GLT1D1: variants seen among roughly 807,000 people sequenced by gnomAD.
The protein encoded by GLT1D1 is glycosyltransferase 1 domain containing 1.
Under a neutral mutation model 28.7 loss-of-function variants are expected in GLT1D1, and 21 were observed. The ratio of observed to expected loss-of-function variants is 0.73; its 90% CI spans 0.52 to 1.05. GLT1D1 has a LOEUF of 1.05. GLT1D1 is among the 50% of genes least tolerant of loss of function. The pLI, the probability that GLT1D1 is intolerant of heterozygous loss-of-function variation, is 0.00. For synonymous variants in GLT1D1, 147 were observed against 124.8 expected (o/e 1.18, Z -1.19); for missense variants, 343 against 330.6 (o/e 1.04, Z -0.29).
At chr12:128,973,902 AGGGGGTGTGTGTAGG>A (rs1879487498) in intron 7 of GLT1D1, among the ~76,000 whole-genome samples, 1 of 68,402 alleles carries the variant, frequency 1.5e-5, no homozygotes, top group Admixed American at 1.9e-4. Context: ...GTGTGTGTGT[AGGGGGTGTGTGTAGG>A]GGGTGTGTGT....
chr12:128,900,230 A>AC (rs1209761476), intron 4 of GLT1D1, among the ~76,000 whole-genome samples: 1 of 152,238 alleles, frequency 6.6e-6, no homozygotes, highest in Admixed American at 6.5e-5. Flanking sequence ...AGCCTGCTCC[A>AC]CCAGCGTTCA....
chr12:128,977,143 C>T (rs140910168), intron 7 of GLT1D1, among the ~76,000 whole-genome samples: 1,782 of 152,278 alleles, frequency 0.012, 34 homozygotes, highest in African/African-American at 0.041. Flanking sequence ...GAGACTCCAT[C>T]TCAAAAGCAA....
chr12:128,923,381 GCCA>G (rs1234869680), intron 4 of GLT1D1, among the ~76,000 whole-genome samples: 4 of 151,958 alleles, frequency 2.6e-5, no homozygotes, highest in Non-Finnish European at 5.9e-5. Context: ...GCTGTAATAA[GCCA>G]CCGCAGGATG....
Position 128,866,819 on chromosome 12 carries a change from C to A in GLT1D1, c.69-9095C>A, listed in dbSNP as rs1001000014. On this transcript the variant is annotated intron_variant, in intron 1 of 7. Transcript: ENST00000281703. Reference sequence around the variant, plus strand: ...TATTTTTAGTAGAGACAGGGTTTCACCTTGTTGGCCAGGCTGGTCTTGAAC... The same window carrying A: ...TATTTTTAGTAGAGACAGGGTTTCAACTTGTTGGCCAGGCTGGTCTTGAAC... Among the ~76,000 whole-genome samples the A allele has an allele frequency of 5.3e-5, 8 of 152,014 alleles. No individual in the cohort carries two copies. The East Asian group carries it at 1.6e-3, about 30-fold the overall frequency.
At chr12:128,935,144 T>G (rs1874408750) in intron 4 of GLT1D1, among the ~76,000 whole-genome samples, 1 of 152,236 alleles carries the variant, frequency 6.6e-6, no homozygotes, top group African/African-American at 2.4e-5. Flanking sequence ...ACTTTTGCAC[T>G]GGCCATTTCT....
chr12:128,897,428 T>C (rs1342709411), intron 3 of GLT1D1, among the ~76,000 whole-genome samples: 1 of 152,178 alleles, frequency 6.6e-6, no homozygotes, highest in Non-Finnish European at 1.5e-5. Flanking sequence ...ATAGCTTTTT[T>C]TCTTTCTCCT....
chr12:128,977,296 G>A (rs969601625), intron 7 of GLT1D1, among the ~76,000 whole-genome samples: 3 of 152,074 alleles, frequency 2.0e-5, no homozygotes, highest in Non-Finnish European at 2.9e-5. Context: ...CTCTGAGGAC[G>A]GTCATCAACT....
At chr12:128,974,872 A>G (rs550682809) in intron 7 of GLT1D1, among the ~76,000 whole-genome samples, 1 of 152,206 alleles carries the variant, frequency 6.6e-6, no homozygotes, top group South Asian at 2.1e-4. Flanking sequence ...CCTGACCTCC[A>G]CTGGAGGCCC....
chr12:128,964,604 CA>C (rs1274568040), intron 7 of GLT1D1, among the ~76,000 whole-genome samples: 1 of 152,206 alleles, frequency 6.6e-6, no homozygotes, highest in African/African-American at 2.4e-5. Context: ...ACAACAATTC[CA>C]GGACGTCAAC....
Position 128,874,059 on chromosome 12 carries a change from C to CCTTCCTTT in GLT1D1, c.69-1852_69-1851insCCTTTCTT, listed in dbSNP as rs1956775384. On this transcript the variant is annotated intron_variant, in intron 1 of 7. Transcript: ENST00000281703. ...TCCCTCCCTGCCTCCCTCCCTCCCT[C>CCTTCCTTT]CTTTCTTTCTTTCTTTCTTTCTTTC... 2.3e-4 allele frequency among the ~76,000 whole-genome samples: 8 copies of CCTTCCTTT among 34,706 alleles called. 3 individuals carry two copies. Among genetic ancestry groups the CCTTCCTTT allele is most frequent in the African/African-American group, 1.2e-3 (8 of 6,626 alleles). The allele number at this position is 34,706 out of a possible 152,430, so 22.8% of individuals were successfully genotyped here. A position where few individuals can be genotyped will look rare whatever the true frequency, so the allele number is the denominator to read the frequency against.
intron 1 of GLT1D1, among the ~76,000 whole-genome samples, chr12:128,867,977 G>T (rs1258017935): frequency 2.6e-5 from 4 of 152,250 alleles, no homozygotes; most frequent in Non-Finnish European, 5.9e-5. Flanking sequence ...CTGTGGTGTG[G>T]CTTAGAGATC....
intron 3 of GLT1D1, among the ~76,000 whole-genome samples, chr12:128,892,684 C>T (rs998242240): frequency 7.2e-5 from 11 of 152,024 alleles, no homozygotes; most frequent in Admixed American, 6.6e-4. Context: ...ACTTGTCTAG[C>T]TTTATAATGA....
intron 2 of GLT1D1, among the ~76,000 whole-genome samples, chr12:128,877,014 C>T (rs1037944986): frequency 2.6e-4 from 40 of 152,144 alleles, no homozygotes; most frequent in Admixed American, 2.6e-3. Flanking sequence ...GAAAATGAGT[C>T]TTTAGAGGAC....
intron 2 of GLT1D1, among the ~76,000 whole-genome samples, chr12:128,887,488 T>C (rs1868529707): frequency 9.3e-6 from 1 of 106,978 alleles, no homozygotes; most frequent in Non-Finnish European, 2.0e-5. Context: ...AGTCTTTCTA[T>C]GTGAGTACAC....
chr12:128,977,220 G>A (rs1264358884), intron 7 of GLT1D1, among the ~76,000 whole-genome samples: 2 of 152,164 alleles, frequency 1.3e-5, no homozygotes, highest in African/African-American at 4.8e-5. Flanking sequence ...GGGGGATGGA[G>A]CAGGTCAAAA....
chr12:128,969,907 C>G (rs551365687), intron 7 of GLT1D1, among the ~76,000 whole-genome samples: 1 of 152,088 alleles, frequency 6.6e-6, no homozygotes, highest in East Asian at 1.9e-4. Flanking sequence ...CCCGCAGGCT[C>G]CAGCTGGGGA....
At chr12:128,952,530 G>C (rs372537844) in intron 6 of GLT1D1, among the ~76,000 whole-genome samples, 1 of 148,826 alleles carries the variant, frequency 6.7e-6, no homozygotes, top group Non-Finnish European at 1.5e-5. Flanking sequence ...GGCAATAGCC[G>C]ATCTCGGCTC....
chr12:128,883,729 G>A (rs1957118347), intron 2 of GLT1D1, among the ~76,000 whole-genome samples: 1 of 152,114 alleles, frequency 6.6e-6, no homozygotes, highest in Non-Finnish European at 1.5e-5. Flanking sequence ...GGGTGGCTCC[G>A]AGTCAACTCA....
chr12:128,879,733 A>T (rs1271212384), intron 2 of GLT1D1, among the ~76,000 whole-genome samples: 2 of 152,180 alleles, frequency 1.3e-5, no homozygotes, highest in East Asian at 3.9e-4. Flanking sequence ...CTGGGATTAC[A>T]GGCGGGAGCC....
Sources: gnomAD v4.1 joint callset for allele counts (sites outside exome capture counted in the v4.1 genomes callset) on GRCh38, gnomAD v4.1.1 for gene constraint, MANE v1.5 for transcripts, NCBI Gene and HGNC (gene_info 2026-07-23, HGNC 2026-07-21) for gene names.